CDH8: variants seen among roughly 807,000 people sequenced by gnomAD.
CDH8 encodes cadherin-8.
A neutral mutation model predicts 68.1 loss-of-function variants in CDH8; 17 were observed. The observed-to-expected ratio is 0.25, with a 90% CI of 0.17 to 0.37. The LOEUF (loss-of-function observed/expected upper bound fraction) is 0.37, where lower values mean the gene tolerates loss of function less well. Ranked by LOEUF, CDH8 falls within the 10% of genes least tolerant of loss-of-function variation. CDH8 has a pLI of 1.00. For missense variants in CDH8, 763 were observed against 999.3 expected, an observed-to-expected ratio of 0.76 and a Z score of 3.19; for synonymous variants, 372 against 365.1, an observed-to-expected ratio of 1.02 and a Z score of -0.21.
chr16:61,987,349 C>CA (rs757694626), intron 2 of CDH8, among the ~76,000 whole-genome samples: 11 of 151,666 alleles, frequency 7.3e-5, no homozygotes, highest in African/African-American at 1.2e-4. Flanking sequence ...ACCAAAAATA[C>CA]AAAAAAAATT....
intron 4 of CDH8, among the ~76,000 whole-genome samples, chr16:61,848,310 C>G (rs149452505): frequency 3.9e-5 from 6 of 152,188 alleles, no homozygotes; most frequent in Admixed American, 3.9e-4. Context: ...CTGTGTAGTT[C>G]ATAGTCTTTC....
intron 4 of CDH8, among the ~76,000 whole-genome samples, chr16:61,829,258 C>T (rs532277345): frequency 7.2e-5 from 11 of 151,918 alleles, no homozygotes; most frequent in African/African-American, 2.4e-4. Context: ...TGCCACCTTC[C>T]TTTGTTCCTT....
chr16:61,799,810 T>C (rs7200068), intron 7 of CDH8, among the ~76,000 whole-genome samples: 4,751 of 152,294 alleles, frequency 0.031, 241 homozygotes, highest in African/African-American at 0.11. Context: ...AATTTGAAAT[T>C]TTAATTGGAT....
At chr16:61,954,484 A>G (rs1485540675) in intron 2 of CDH8, among the ~76,000 whole-genome samples, 3 of 152,040 alleles carry the variant, frequency 2.0e-5, no homozygotes, top group African/African-American at 7.2e-5. Flanking sequence ...GGTGGATCAC[A>G]AGGTCAGGAG....
intron 4 of CDH8, among the ~76,000 whole-genome samples, chr16:61,856,188 A>C (rs973185096): frequency 6.6e-6 from 1 of 152,138 alleles, no homozygotes. Context: ...GAATCAAAGA[A>C]ATAATAATAT....
chr16:62,006,293 C>A (rs895346190), intron 2 of CDH8, among the ~76,000 whole-genome samples: 1 of 152,076 alleles, frequency 6.6e-6, no homozygotes, highest in African/African-American at 2.4e-5. Context: ...AGAGCCCTTC[C>A]GTGTGTAAAG....
At chr16:61,950,578 T>A (rs1486573426) in intron 2 of CDH8, among the ~76,000 whole-genome samples, 1 of 152,222 alleles carries the variant, frequency 6.6e-6, no homozygotes, top group Non-Finnish European at 1.5e-5. Flanking sequence ...TGCATTGTCT[T>A]AACTTTCCTT....
chr16:61,774,324 A>G (rs995621550), intron 8 of CDH8, among the ~76,000 whole-genome samples: 3 of 152,026 alleles, frequency 2.0e-5, no homozygotes, highest in South Asian at 2.1e-4. Flanking sequence ...CACCTTTCTC[A>G]TGGTCTCTAA....
At chr16:61,903,954 TAAA>T (rs59909012) in intron 2 of CDH8, among the ~76,000 whole-genome samples, 12 of 147,626 alleles carry the variant, frequency 8.1e-5, no homozygotes, top group African/African-American at 2.8e-4. Flanking sequence ...CAGCACTTTT[TAAA>T]AAAAAAAAAA....
intron 2 of CDH8, among the ~76,000 whole-genome samples, chr16:61,989,972 A>C (rs1965689023): frequency 6.6e-6 from 1 of 152,176 alleles, no homozygotes; most frequent in Non-Finnish European, 1.5e-5. Flanking sequence ...ATTGGGATCC[A>C]GCTAGATCTC....
At chr16:61,858,939 T>C (rs1404927224) in intron 3 of CDH8, among the ~76,000 whole-genome samples, 1 of 151,974 alleles carries the variant, frequency 6.6e-6, no homozygotes, top group Non-Finnish European at 1.5e-5. Flanking sequence ...ATCAACATGT[T>C]CAGCAGCAAC....
intron 2 of CDH8, among the ~76,000 whole-genome samples, chr16:62,003,616 G>T (rs1407525274): frequency 6.6e-6 from 1 of 152,032 alleles, no homozygotes; most frequent in Admixed American, 6.6e-5. Flanking sequence ...AGGGTGGTCC[G>T]CAGCATTACA....
At chr16:61,851,841 T>C (rs948061284) in intron 4 of CDH8, among the ~76,000 whole-genome samples, 3 of 151,988 alleles carry the variant, frequency 2.0e-5, no homozygotes, top group African/African-American at 7.2e-5. Flanking sequence ...TTCCAAGTTC[T>C]TTAGGTCTCT....
chr16:61,727,345 T>C, intron 8 of CDH8, 130 bp from the exon 9 acceptor site: 1 of 915,392 alleles, frequency 1.1e-6, no homozygotes, highest in Non-Finnish European at 1.7e-6. Flanking sequence ...ATGGTGATTA[T>C]AGAGTCTGAC....
chr16:61,726,075 A>G (rs1187596638), intron 9 of CDH8: 1 of 150,872 alleles, frequency 6.6e-6, no homozygotes, highest in Admixed American at 6.6e-5. Context: ...TTTAGGGGGA[A>G]AAAATCTGAC....
intron 7 of CDH8, among the ~76,000 whole-genome samples, chr16:61,807,701 C>T (rs940941927): frequency 3.3e-5 from 5 of 152,138 alleles, no homozygotes; most frequent in Admixed American, 2.6e-4. Context: ...AAAATCCCCA[C>T]TCCAGAGGTT....
chr16:61,782,521 C>G (rs1367878622), intron 8 of CDH8, among the ~76,000 whole-genome samples: 2 of 152,094 alleles, frequency 1.3e-5, no homozygotes, highest in Non-Finnish European at 2.9e-5. Flanking sequence ...GAGGGGCGCC[C>G]GCCATTGCCC....
At chr16:62,035,830 T>C (rs1390214491) in intron 1 of CDH8, among the ~76,000 whole-genome samples, 6 of 152,158 alleles carry the variant, frequency 3.9e-5, no homozygotes, top group African/African-American at 1.4e-4. Flanking sequence ...TGCTACTCTC[T>C]AGGATCTGTT....
intron 10 of CDH8, among the ~76,000 whole-genome samples, chr16:61,657,460 T>A (rs1963469975): frequency 6.6e-6 from 1 of 152,100 alleles, no homozygotes; most frequent in African/African-American, 2.4e-5. Flanking sequence ...TTGAATATAC[T>A]GAGAAAAAGA....
Sources: allele counts gnomAD v4.1 joint callset (sites outside exome capture counted in the v4.1 genomes callset), GRCh38; gene constraint gnomAD v4.1.1; transcripts MANE v1.5; gene names NCBI Gene and HGNC (gene_info 2026-07-23, HGNC 2026-07-21).